The following PIGK variants were observed in gnomAD, a reference collection of about 807,000 sequenced individuals.
PIGK encodes GPI-anchor transamidase.
PIGK carries 42 observed loss-of-function variants against 50.6 expected under a neutral mutation model. The ratio of observed to expected loss-of-function variants is 0.83; its 90% CI spans 0.65 to 1.07. PIGK has a LOEUF of 1.07. Among genes scored for constraint, PIGK ranks in the 50% least tolerant of loss-of-function variants. The probability of loss-of-function intolerance (pLI) is 0.00; values close to 1 mark genes in which losing one functional copy is unlikely to be tolerated. For missense variants in PIGK, 448 were observed against 488.7 expected, an observed-to-expected ratio of 0.92 and a Z score of 0.78; for synonymous variants, 151 against 156.0, an observed-to-expected ratio of 0.97 and a Z score of 0.24.
In PIGK at chr1:77,187,555, T is replaced by C. The variant is rs543960888; in HGVS notation, c.240-18160A>G. Among the ~76,000 whole-genome samples, 11 of 152,310 alleles carry C rather than the reference T, an allele frequency of 7.2e-5. No homozygotes were observed. The East Asian group carries it at 7.7e-4, about 11-fold the overall frequency. On this transcript the variant is annotated intron_variant, in intron 3 of 10. Coordinates refer to ENST00000370812, the MANE Select transcript of PIGK (RefSeq NM_005482.3). ...TAAGTCAACAGGCTAATAAGGGAGTTACAGTGTCAGTTACAGTGACTGACC... is the reference window on the plus strand; with the variant it reads ...TAAGTCAACAGGCTAATAAGGGAGTCACAGTGTCAGTTACAGTGACTGACC...
At chr1:77,106,054 G>A (rs1308732136) in intron 10 of PIGK, among the ~76,000 whole-genome samples, 1 of 152,146 alleles carries the variant, frequency 6.6e-6, no homozygotes, top group Non-Finnish European at 1.5e-5. Flanking sequence ...ATTTTACATG[G>A]TATCAAAAGA....
intron 10 of PIGK, among the ~76,000 whole-genome samples, chr1:77,097,680 C>A (rs909257008): frequency 2.0e-5 from 3 of 152,010 alleles, no homozygotes; most frequent in African/African-American, 7.3e-5. Context: ...CCAGACATAA[C>A]ATGTAGGAAG....
At chr1:77,137,163 C>A (rs987927697) in intron 9 of PIGK, among the ~76,000 whole-genome samples, 1 of 152,128 alleles carries the variant, frequency 6.6e-6, no homozygotes, top group Admixed American at 6.5e-5. Context: ...CCATGGATAA[C>A]CTCCTGGAGG....
intron 8 of PIGK, among the ~76,000 whole-genome samples, chr1:77,155,162 T>A (rs1220145592): frequency 1.3e-5 from 2 of 152,200 alleles, no homozygotes; most frequent in African/African-American, 4.8e-5. Flanking sequence ...CTCTCTGTTG[T>A]ACTCCTATGT....
chr1:77,157,574 T>A (rs1655036231), intron 8 of PIGK, among the ~76,000 whole-genome samples: 1 of 152,236 alleles, frequency 6.6e-6, no homozygotes, highest in African/African-American at 2.4e-5. Flanking sequence ...TTGAAGTAAT[T>A]GGAACTTAGG....
At chr1:77,129,546 C>T in intron 9 of PIGK, 4 of 1,237,246 alleles carry the variant, frequency 3.2e-6, no homozygotes, top group Non-Finnish European at 4.6e-6. Context: ...CTCTCCCTGC[C>T]ACATTGAGAT....
chr1:77,097,459 C>T (rs899713397), intron 10 of PIGK, among the ~76,000 whole-genome samples: 1 of 152,106 alleles, frequency 6.6e-6, no homozygotes, highest in Non-Finnish European at 1.5e-5. Flanking sequence ...ATGCACACTA[C>T]CCAAGATCTT....
chr1:77,145,104 A>G (rs839800), intron 9 of PIGK, among the ~76,000 whole-genome samples: 23,668 of 151,928 alleles, frequency 0.16, 2,923 homozygotes, highest in African/African-American at 0.34. Context: ...TTTTAAGCGA[A>G]TCATGTGATC....
intron 9 of PIGK, among the ~76,000 whole-genome samples, chr1:77,134,622 C>G (rs1273566028): frequency 3.9e-5 from 6 of 152,306 alleles, no homozygotes; most frequent in African/African-American, 1.4e-4. Flanking sequence ...GAAAAATTGG[C>G]TACAGATTCT....
chr1:77,156,128 G>A (rs1655003127), intron 8 of PIGK, among the ~76,000 whole-genome samples: 1 of 151,236 alleles, frequency 6.6e-6, no homozygotes, highest in Admixed American at 6.6e-5. Flanking sequence ...ATAGAAGATT[G>A]GAGAAAAAAA....
chr1:77,173,763 C>A (rs1368079577), intron 3 of PIGK, among the ~76,000 whole-genome samples: 1 of 152,182 alleles, frequency 6.6e-6, no homozygotes, highest in Admixed American at 6.5e-5. Context: ...CCCATAAGCT[C>A]ACTATTAAAG....
intron 9 of PIGK, among the ~76,000 whole-genome samples, chr1:77,127,945 T>A (rs1405746995): frequency 6.6e-6 from 1 of 152,180 alleles, no homozygotes; most frequent in African/African-American, 2.4e-5. Context: ...TAACACATAT[T>A]GTACAAGATA....
intron 3 of PIGK, among the ~76,000 whole-genome samples, chr1:77,170,867 G>A (rs1655343372): frequency 6.6e-6 from 1 of 152,128 alleles, no homozygotes; most frequent in Non-Finnish European, 1.5e-5. Flanking sequence ...TGCTACATAT[G>A]TTCCAAATAC....
chr1:77,137,541 G>A (rs839820), intron 9 of PIGK, among the ~76,000 whole-genome samples: 11,829 of 151,844 alleles, frequency 0.078, 625 homozygotes, highest in South Asian at 0.21. Flanking sequence ...TGTAATCCTT[G>A]TGTAATCCTT....
At chr1:77,146,991 G>A (rs1654783822) in intron 9 of PIGK, among the ~76,000 whole-genome samples, 1 of 151,914 alleles carries the variant, frequency 6.6e-6, no homozygotes, top group African/African-American at 2.4e-5. Flanking sequence ...CAGGAAGGAG[G>A]GGAGGGGAGG....
chr1:77,201,153 T>TA (rs532791212), intron 3 of PIGK, among the ~76,000 whole-genome samples: 2 of 152,182 alleles, frequency 1.3e-5, no homozygotes, highest in African/African-American at 2.4e-5. Context: ...CAACATGATT[T>TA]AAAAAACAAC....
chr1:77,191,384 G>T (rs552697599), intron 3 of PIGK, among the ~76,000 whole-genome samples: 29 of 152,098 alleles, frequency 1.9e-4, no homozygotes, highest in African/African-American at 6.7e-4. Context: ...ATAATGATCT[G>T]TACTGACTTA....
chr1:77,158,772 T>C (rs1240536695), intron 8 of PIGK, among the ~76,000 whole-genome samples: 1 of 152,142 alleles, frequency 6.6e-6, no homozygotes, highest in Non-Finnish European at 1.5e-5. Context: ...AGAGGAGACT[T>C]GGGTGCTGTT....
intron 9 of PIGK, among the ~76,000 whole-genome samples, chr1:77,131,906 T>G (rs1403219465): frequency 1.3e-5 from 2 of 152,036 alleles, no homozygotes; most frequent in South Asian, 2.1e-4. Flanking sequence ...CCAAATGAGG[T>G]AGGAAGCTTT....
Sources: gnomAD v4.1 joint callset for allele counts (sites outside exome capture counted in the v4.1 genomes callset) on GRCh38, gnomAD v4.1.1 for gene constraint, MANE v1.5 for transcripts, NCBI Gene and HGNC (gene_info 2026-07-23, HGNC 2026-07-21) for gene names.